The following MAN1A1 variants were observed in gnomAD, a reference collection of about 807,000 sequenced individuals.
MAN1A1 encodes mannosyl-oligosaccharide 1,2-alpha-mannosidase IA.
Under a neutral mutation model 70.8 loss-of-function variants are expected in MAN1A1, and 29 were observed. The ratio of observed to expected loss-of-function variants is 0.41; its 90% CI spans 0.31 to 0.56. MAN1A1 has a LOEUF of 0.56. MAN1A1 is among the 20% of genes least tolerant of loss of function. MAN1A1 has a pLI of 0.29. For missense variants in MAN1A1, 747 were observed against 841.3 expected, an observed-to-expected ratio of 0.89 and a Z score of 1.39; for synonymous variants, 349 against 330.1, an observed-to-expected ratio of 1.06 and a Z score of -0.62.
At chr6:119,279,145 A>C (rs867922158) in intron 5 of MAN1A1, among the ~76,000 whole-genome samples, 38 of 152,218 alleles carry the variant, frequency 2.5e-4, no homozygotes, top group African/African-American at 8.4e-4. Context: ...TAATTCATAC[A>C]TCCCACCATA....
chr6:119,242,168 CATTA>C (rs1775030966), intron 6 of MAN1A1, among the ~76,000 whole-genome samples: 1 of 133,706 alleles, frequency 7.5e-6, no homozygotes, highest in Non-Finnish European at 1.7e-5. Context: ...GTTTGTACCA[CATTA>C]ATTAGGCACT....
At chr6:119,270,005 T>C (rs944291341) in intron 5 of MAN1A1, among the ~76,000 whole-genome samples, 25 of 152,204 alleles carry the variant, frequency 1.6e-4, no homozygotes, top group African/African-American at 5.8e-4. Flanking sequence ...TAATCTATTA[T>C]AGTTCTTATT....
intron 6 of MAN1A1, among the ~76,000 whole-genome samples, chr6:119,212,659 T>C (rs1387762440): frequency 6.6e-6 from 1 of 152,150 alleles, no homozygotes; most frequent in Non-Finnish European, 1.5e-5. Flanking sequence ...GGAAAAACAG[T>C]TTTTGGAAAA....
At chr6:119,310,475 C>T (rs3798632) in intron 2 of MAN1A1, among the ~76,000 whole-genome samples, 124 of 152,280 alleles carry the variant, frequency 8.1e-4, no homozygotes, top group Non-Finnish European at 1.6e-3. Context: ...GCTGGCCCAG[C>T]TGAATGAACC....
At chr6:119,278,157 A>G (rs957256666) in intron 5 of MAN1A1, among the ~76,000 whole-genome samples, 9 of 151,894 alleles carry the variant, frequency 5.9e-5, no homozygotes, top group African/African-American at 1.2e-4. Flanking sequence ...AAAAAACAAA[A>G]CAAAACAAAA....
intron 6 of MAN1A1, among the ~76,000 whole-genome samples, chr6:119,226,040 G>A (rs1774505312): frequency 6.6e-6 from 1 of 152,148 alleles, no homozygotes; most frequent in South Asian, 2.1e-4. Flanking sequence ...TTCGCAAAAG[G>A]TAAGATGGTT....
At position 119,177,396 on chromosome 6, in the gene MAN1A1, CA is replaced by C. The variant is rs1461031329; in HGVS notation, c.*2422del. On this transcript the variant is annotated 3_prime_UTR_variant, in exon 13 of 13. Coordinates refer to ENST00000368468, the MANE Select transcript of MAN1A1 (RefSeq NM_005907.4). Reference sequence around the variant, plus strand: ...TGTAGCTCATATGAAAACCTCATGACAAGTCATTGAGTTCTGTAAACTGCCA... The same window carrying C: ...TGTAGCTCATATGAAAACCTCATGACAGTCATTGAGTTCTGTAAACTGCCA... 1 of 152,002 alleles carries C rather than the reference CA, an allele frequency of 6.6e-6. No homozygotes were observed. The highest frequency in any genetic ancestry group is 2.4e-5 in the African/African-American group (1 of 41,434). 9.4% of individuals were successfully genotyped at this position (152,002 alleles called of 1,614,324 possible). A position where few individuals can be genotyped will look rare whatever the true frequency, so the allele number is the denominator to read the frequency against.
At chr6:119,199,454 C>A (rs1384726169) in intron 8 of MAN1A1, among the ~76,000 whole-genome samples, 1 of 152,158 alleles carries the variant, frequency 6.6e-6, no homozygotes, top group African/African-American at 2.4e-5. Flanking sequence ...CATAATTCAG[C>A]AGGAGTGATT....
At chr6:119,279,421 G>T (rs1776166894) in intron 5 of MAN1A1, among the ~76,000 whole-genome samples, 1 of 152,108 alleles carries the variant, frequency 6.6e-6, no homozygotes, top group Non-Finnish European at 1.5e-5. Context: ...CCTTCTCCAT[G>T]CTTGTACCTA....
chr6:119,279,705 G>A (rs1348143754), intron 5 of MAN1A1, among the ~76,000 whole-genome samples: 3 of 152,186 alleles, frequency 2.0e-5, no homozygotes, highest in Non-Finnish European at 4.4e-5. Flanking sequence ...TTACCTACTT[G>A]TATTCCTACC....
intron 2 of MAN1A1, among the ~76,000 whole-genome samples, chr6:119,337,778 GTTC>G (rs1473862044): frequency 6.6e-6 from 1 of 152,048 alleles, no homozygotes; most frequent in African/African-American, 2.4e-5. Flanking sequence ...AAGCTACTGA[GTTC>G]TTCATTACAC....
chr6:119,324,951 C>T (rs894199955), intron 2 of MAN1A1, among the ~76,000 whole-genome samples: 1 of 152,032 alleles, frequency 6.6e-6, no homozygotes, highest in Non-Finnish European at 1.5e-5. Context: ...TGTATCTCAC[C>T]CCAACAGATG....
intron 9 of MAN1A1, among the ~76,000 whole-genome samples, chr6:119,191,201 G>A (rs545086502): frequency 2.0e-5 from 3 of 152,160 alleles, no homozygotes; most frequent in Non-Finnish European, 4.4e-5. Context: ...TATTTTATGC[G>A]ACTGAACATC....
At chr6:119,276,635 T>C (rs997454042) in intron 5 of MAN1A1, among the ~76,000 whole-genome samples, 3 of 152,226 alleles carry the variant, frequency 2.0e-5, no homozygotes, top group Admixed American at 2.0e-4. Flanking sequence ...AACTGTATTA[T>C]ACAGTGTTCT....
Position 119,279,445 on chromosome 6 carries a change from T to C in MAN1A1, c.897+11238A>G, listed in dbSNP as rs558472756. Among the ~76,000 whole-genome samples the C allele has an allele frequency of 3.9e-5, 6 of 152,300 alleles. No homozygotes were observed. In the South Asian group the frequency reaches 1.0e-3, roughly 26 times the overall value. Reference sequence around the variant, plus strand: ...TGCTTGTACCTAAAGTGCCGAACACTGTTGGAAAAAGCATCATACGTTTAT... The same window carrying C: ...TGCTTGTACCTAAAGTGCCGAACACCGTTGGAAAAAGCATCATACGTTTAT... On this transcript the variant is annotated intron_variant, in intron 5 of 12. Coordinates refer to ENST00000368468, the MANE Select transcript of MAN1A1 (RefSeq NM_005907.4).
intron 5 of MAN1A1, among the ~76,000 whole-genome samples, chr6:119,277,091 A>C (rs183281668): frequency 6.6e-6 from 1 of 152,330 alleles, no homozygotes; most frequent in East Asian, 1.9e-4. Flanking sequence ...ATCAATTGTT[A>C]AGTTAAAAAC....
In MAN1A1 at chr6:119,306,936, G is replaced by C. The variant is rs747149079; in HGVS notation, c.660C>G (p.Leu220=). 1.2e-6 allele frequency: 2 copies of C among 1,600,678 alleles called. No homozygotes were observed. The highest frequency in any genetic ancestry group is 1.7e-6 in the Non-Finnish European group (2 of 1,168,174). The change falls in exon 3 of 13, where the codon CTC becomes CTG. Residue 220 remains leucine, a synonymous_variant. Transcript: ENST00000368468. The part of the protein sequence containing the change: ...YKGYAWGLNE[L]KPISKGGHSS... ...AATGGCCTCCTTTTGATATAGGTTT[G>C]AGTTCATTTAATCCCCAGGCATAAC...
chr6:119,236,785 G>A (rs1250175836), intron 6 of MAN1A1, among the ~76,000 whole-genome samples: 1 of 151,810 alleles, frequency 6.6e-6, no homozygotes, highest in Non-Finnish European at 1.5e-5. Flanking sequence ...GGCTATAGCT[G>A]CCATAGACAG....
At chr6:119,199,438 A>AT (rs145363868) in intron 8 of MAN1A1, among the ~76,000 whole-genome samples, 6,662 of 152,186 alleles carry the variant, frequency 0.044, 201 homozygotes, top group East Asian at 0.082. Context: ...TGCAACTATC[A>AT]TTTTTCATAA....
Sources: gnomAD v4.1 joint callset for allele counts (sites outside exome capture counted in the v4.1 genomes callset) on GRCh38, gnomAD v4.1.1 for gene constraint, MANE v1.5 for transcripts, NCBI Gene and HGNC (gene_info 2026-07-23, HGNC 2026-07-21) for gene names.